FRMD4A: variants seen among roughly 807,000 people sequenced by gnomAD.
FRMD4A encodes FERM domain-containing protein 4A.
Under a neutral mutation model 129.1 loss-of-function variants are expected in FRMD4A, and 29 were observed. The ratio of observed to expected loss-of-function variants is 0.22; its 90% CI spans 0.17 to 0.31. The LOEUF is 0.31. FRMD4A is among the 10% of genes least tolerant of loss of function. The pLI is 1.00. For missense variants in FRMD4A, 1,272 were observed against 1,375.8 expected (o/e 0.92, Z 1.19); for synonymous variants, 634 against 571.6 (o/e 1.11, Z -1.56).
At chr10:14,056,052 G>C (rs1248711529) in intron 2 of FRMD4A, among the ~76,000 whole-genome samples, 1 of 152,070 alleles carries the variant, frequency 6.6e-6, no homozygotes, top group Admixed American at 6.6e-5. Flanking sequence ...CTTTTTTAGA[G>C]ATGTAGTCTC....
In FRMD4A at chr10:13,662,106, C is replaced by T. The variant is rs116748646; in HGVS notation, c.1660+1347G>A. 9.6e-3 allele frequency among the ~76,000 whole-genome samples: 1,468 copies of T among 152,300 alleles called. 19 individuals carry two copies. The highest frequency in any genetic ancestry group is 0.034 in the African/African-American group (1,405 of 41,552). ...GTGACATTACCTATTGCTCCAGGCACCCCTCTACTACCAAGGAATCTCTCA... is the reference window on the plus strand; with the variant it reads ...GTGACATTACCTATTGCTCCAGGCATCCCTCTACTACCAAGGAATCTCTCA... On this transcript the variant is annotated intron_variant, in intron 19 of 24. Transcript: ENST00000357447.
chr10:13,792,775 C>T (rs888669253), intron 5 of FRMD4A, among the ~76,000 whole-genome samples: 4 of 152,130 alleles, frequency 2.6e-5, no homozygotes, highest in Non-Finnish European at 5.9e-5. Context: ...CTGGATGGAC[C>T]AGGCCCCTCT....
In FRMD4A at chr10:13,727,632, T is replaced by C. The variant is rs76409619; in HGVS notation, c.759+10212A>G. On this transcript the variant is annotated intron_variant, in intron 12 of 24. Coordinates refer to ENST00000357447, the MANE Select transcript of FRMD4A (RefSeq NM_018027.5). ...GGCACACCCCAGTAAACTTCCTGCATGCGAGTTCATCTTAGACTGCTTCCC... is the reference window on the plus strand; with the variant it reads ...GGCACACCCCAGTAAACTTCCTGCACGCGAGTTCATCTTAGACTGCTTCCC... 7.6e-4 allele frequency among the ~76,000 whole-genome samples: 116 copies of C among 152,310 alleles called. 2 individuals are homozygous for C. The East Asian group carries it at 0.02, about 26-fold the overall frequency.
chr10:13,669,546 CT>C (rs2083345882), intron 17 of FRMD4A, among the ~76,000 whole-genome samples: 1 of 152,220 alleles, frequency 6.6e-6, no homozygotes, highest in African/African-American at 2.4e-5. Context: ...CTCCCAATCA[CT>C]TTCTTAAAAT....
chr10:14,258,951 A>G (rs1844707024), intron 2 of FRMD4A, among the ~76,000 whole-genome samples: 1 of 152,222 alleles, frequency 6.6e-6, no homozygotes, highest in Admixed American at 6.5e-5. Context: ...TAAGTAGTGG[A>G]AACTACTGTA....
At chr10:14,128,071 T>C (rs1444319749) in intron 2 of FRMD4A, among the ~76,000 whole-genome samples, 14 of 99,000 alleles carry the variant, frequency 1.4e-4, no homozygotes, top group African/African-American at 4.9e-4. Context: ...TTTCTTTCTT[T>C]CTTTCTTTCT....
At chr10:13,754,014 A>G (rs1464321653) in intron 8 of FRMD4A, among the ~76,000 whole-genome samples, 1 of 152,200 alleles carries the variant, frequency 6.6e-6, no homozygotes, top group African/African-American at 2.4e-5. Context: ...TAAGTCTACA[A>G]TTTCAGGCAA....
Position 13,666,098 on chromosome 10 carries a change from G to A in FRMD4A, c.1602C>T (p.Asp534=), listed in dbSNP as rs144250082. ...KPTQRASLII[D]DGNIASEDSS... ...GGGGGCAGCCCGGTTGGCACTGACC[G>A]TCTATGATCAGCGAAGCCCTCTGGG... Residue 534 remains aspartate, a splice_region_variant and synonymous_variant, in exon 18 of 25, where the codon GAC becomes GAT. Transcript: ENST00000357447. The A allele has an allele frequency of 2.2e-4, 346 of 1,589,372 alleles. No individual in the cohort carries two copies. Among genetic ancestry groups the A allele is most frequent in the Non-Finnish European group, 2.8e-4 (326 of 1,157,520 alleles).
chr10:14,212,095 T>C (rs886418785), intron 2 of FRMD4A, among the ~76,000 whole-genome samples: 14 of 152,156 alleles, frequency 9.2e-5, no homozygotes, highest in African/African-American at 3.4e-4. Flanking sequence ...CCAGGGTAGC[T>C]CCAAATTGCA....
chr10:14,015,073 C>T (rs575467683), intron 2 of FRMD4A, among the ~76,000 whole-genome samples: 118 of 135,270 alleles, frequency 8.7e-4, no homozygotes, highest in African/African-American at 3.1e-3. Context: ...TCTGTCCTTC[C>T]TTCTCTCTCT....
At position 13,656,619 on chromosome 10, in the gene FRMD4A, T is replaced by C; in HGVS notation, c.2953+17A>G. On this transcript the variant is annotated intron_variant, in intron 22 of 24. Coordinates refer to ENST00000357447, the MANE Select transcript of FRMD4A (RefSeq NM_018027.5). ...GCCCTCAGGTCTTCCCGCGTGCACCTGGCCGCCCCCTCTCACCTGACGTGG... is the reference window on the plus strand; with the variant it reads ...GCCCTCAGGTCTTCCCGCGTGCACCCGGCCGCCCCCTCTCACCTGACGTGG... 1 of 1,388,924 alleles carries C rather than the reference T, an allele frequency of 7.2e-7. No individual in the cohort carries two copies. Among genetic ancestry groups the C allele is most frequent in the Non-Finnish European group, 9.4e-7 (1 of 1,063,700 alleles). The allele number at this position is 1,388,924 out of a possible 1,614,324, so 86.0% of individuals were successfully genotyped here.
intron 3 of FRMD4A, among the ~76,000 whole-genome samples, chr10:13,811,290 CT>C (rs1251736240): frequency 0.024 from 3,041 of 126,238 alleles, 106 homozygotes; most frequent in East Asian, 0.15. Context: ...CCACGCATGG[CT>C]TTTTTTTTTT....
intron 2 of FRMD4A, among the ~76,000 whole-genome samples, chr10:14,317,523 G>C (rs1185124845): frequency 2.0e-5 from 3 of 152,100 alleles, no homozygotes; most frequent in Non-Finnish European, 4.4e-5. Flanking sequence ...TTGTTTATTG[G>C]CCTTTCCAAC....
rs373813820 is a variant in FRMD4A at position 13,703,967 on chromosome 10, T to C, written c.837-2489A>G. ...GTGCAGTGAGCCGAGATGGCGCCAC[T>C]GCATTCCAGCCTGGGGACAAAGTGA... On this transcript the variant is annotated intron_variant, in intron 13 of 24. Transcript: ENST00000357447. Among the ~76,000 whole-genome samples the C allele has an allele frequency of 5.3e-5, 8 of 152,226 alleles. No individual in the cohort carries two copies. The East Asian group carries it at 1.4e-3, about 26-fold the overall frequency.
intron 2 of FRMD4A, among the ~76,000 whole-genome samples, chr10:14,208,049 TAGTC>T (rs1241623557): frequency 2.0e-5 from 3 of 151,870 alleles, no homozygotes; most frequent in East Asian, 3.9e-4. Context: ...ATGCAAAACT[TAGTC>T]AGGCATGGTG....
intron 3 of FRMD4A, among the ~76,000 whole-genome samples, chr10:13,825,189 C>A (rs1187024976): frequency 6.6e-6 from 1 of 152,132 alleles, no homozygotes; most frequent in Non-Finnish European, 1.5e-5. Context: ...CTAACAGATG[C>A]CAGCATCACT....
At chr10:14,312,970 A>T (rs1235873119) in intron 2 of FRMD4A, among the ~76,000 whole-genome samples, 3 of 152,244 alleles carry the variant, frequency 2.0e-5, no homozygotes, top group Admixed American at 1.3e-4. Flanking sequence ...ACAAGAAACT[A>T]AAGTATTAAG....
At chr10:13,827,914 G>A (rs1416785452) in intron 3 of FRMD4A, among the ~76,000 whole-genome samples, 1 of 152,154 alleles carries the variant, frequency 6.6e-6, no homozygotes, top group East Asian at 1.9e-4. Context: ...GCTGCTCCGA[G>A]CCCCTTGGGC....
chr10:14,021,516 C>T (rs569677927), intron 2 of FRMD4A, among the ~76,000 whole-genome samples: 2 of 152,156 alleles, frequency 1.3e-5, no homozygotes, highest in South Asian at 4.1e-4. Flanking sequence ...AACATCATGT[C>T]ACCACACTCC....
Sources: gnomAD v4.1 joint callset for allele counts (sites outside exome capture counted in the v4.1 genomes callset) on GRCh38, gnomAD v4.1.1 for gene constraint, MANE v1.5 for transcripts, NCBI Gene and HGNC (gene_info 2026-07-23, HGNC 2026-07-21) for gene names.